P2RY6: variants seen among roughly 807,000 people sequenced by gnomAD.
The protein encoded by P2RY6 is pyrimidinergic receptor P2Y6, also known as P2Y purinoceptor 6.
Under a neutral mutation model 16.3 loss-of-function variants are expected in P2RY6, and 19 were observed. The observed-to-expected ratio is 1.16, with a 90% CI of 0.81 to 1.71. P2RY6 has a LOEUF of 1.71. Ranked by LOEUF, P2RY6 falls within the 40% of genes most tolerant of loss-of-function variation. The pLI is 0.00. For synonymous variants in P2RY6, 184 were observed against 201.5 expected, an observed-to-expected ratio of 0.91 and a Z score of 0.74; for missense variants, 389 against 455.5, an observed-to-expected ratio of 0.85 and a Z score of 1.33.
intron 1 of P2RY6, among the ~76,000 whole-genome samples, chr11:73,294,135 C>G (rs1277191289): frequency 6.6e-6 from 1 of 152,130 alleles, no homozygotes; most frequent in Non-Finnish European, 1.5e-5. Context: ...TAGAGGGGTG[C>G]TATGTTCTTC....
At chr11:73,274,620 A>G (rs1336670376) in intron 1 of P2RY6, among the ~76,000 whole-genome samples, 2 of 152,216 alleles carry the variant, frequency 1.3e-5, no homozygotes, top group African/African-American at 2.4e-5. Flanking sequence ...CCTATTTTGC[A>G]GCAGAGGAAG....
upstream of P2RY6, chr11:73,271,410 G>C (rs756508892): frequency 6.6e-6 from 1 of 152,198 alleles, no homozygotes; most frequent in Non-Finnish European, 1.5e-5. Flanking sequence ...ATCTGAGCTC[G>C]TCAGGTGCTC....
At chr11:73,286,490 A>G (rs139902138) in intron 1 of P2RY6, among the ~76,000 whole-genome samples, 215 of 152,086 alleles carry the variant, frequency 1.4e-3, no homozygotes, top group Non-Finnish European at 2.3e-3. Context: ...GGGGGACCCA[A>G]GCAGTCTCAG....
chr11:73,277,196 C>G (rs1863573617), intron 1 of P2RY6, among the ~76,000 whole-genome samples: 1 of 152,064 alleles, frequency 6.6e-6, no homozygotes, highest in Non-Finnish European at 1.5e-5. Flanking sequence ...TCACTGCAAC[C>G]TCTGCCTCCC....
intron 1 of P2RY6, chr11:73,289,463 G>C (rs1864105034): frequency 6.6e-6 from 1 of 152,392 alleles, no homozygotes; most frequent in Non-Finnish European, 1.5e-5. Flanking sequence ...GAGAGCTTCA[G>C]CTCATCTGGG....
At chr11:73,272,592 G>C (rs996480040) in intron 1 of P2RY6, 126 bp downstream of exon 1, 1 of 770,526 alleles carries the variant, frequency 1.3e-6, no homozygotes, top group Non-Finnish European at 1.6e-6. Context: ...AGTAGGGCAG[G>C]CACTGGGGTC....
At chr11:73,296,436 T>G in intron 2 of P2RY6, 49 bp from the exon 3 acceptor site, 2 of 1,529,610 alleles carry the variant, frequency 1.3e-6, no homozygotes, top group Non-Finnish European at 1.8e-6. Context: ...CAGGGCCTGC[T>G]GGGTGGTGAG....
At chr11:73,295,599 A>G (rs778678731) in intron 1 of P2RY6, 131 bp from the exon 2 acceptor site, 1 of 165,716 alleles carries the variant, frequency 6.0e-6, no homozygotes, top group Non-Finnish European at 1.2e-5. Context: ...ATCCGCCTTC[A>G]GGGACGCTGT....
chr11:73,287,642 G>T (rs10898915), intron 1 of P2RY6, among the ~76,000 whole-genome samples: 1 of 152,158 alleles, frequency 6.6e-6, no homozygotes, highest in Non-Finnish European at 1.5e-5. Flanking sequence ...GATCCTGAAG[G>T]CACTAACTGT....
intron 1 of P2RY6, among the ~76,000 whole-genome samples, chr11:73,294,339 A>G (rs1864390470): frequency 6.6e-6 from 1 of 152,156 alleles, no homozygotes; most frequent in African/African-American, 2.4e-5. Context: ...CCTATACACT[A>G]TGCCCTCATG....
chr11:73,295,569 G>A (rs935520589), intron 1 of P2RY6, among the ~76,000 whole-genome samples, 161 bp from the exon 2 acceptor site: 1 of 152,162 alleles, frequency 6.6e-6, no homozygotes, highest in East Asian at 1.9e-4. Flanking sequence ...TAAACAAACG[G>A]TTGACTCGGT....
Position 73,281,431 on chromosome 11 carries a change from G to T in P2RY6, c.-121+8965G>T, listed in dbSNP as rs552109419. 2.0e-5 allele frequency among the ~76,000 whole-genome samples: 3 copies of T among 152,334 alleles called. No homozygotes were observed. The East Asian group carries it at 5.8e-4, about 29-fold the overall frequency. On this transcript the variant is annotated intron_variant, in intron 1 of 2. Transcript: ENST00000540124. ...TCCCTTGGGCAGGGTGGGGCCCAGG[G>T]TCCTCCATCCAAGAAGGGACCAGCC...
At chr11:73,287,694 T>G (rs1864023464) in intron 1 of P2RY6, among the ~76,000 whole-genome samples, 1 of 152,216 alleles carries the variant, frequency 6.6e-6, no homozygotes, top group Non-Finnish European at 1.5e-5. Context: ...AGCAGCAGGT[T>G]CCTTCTCAAA....
chr11:73,289,664 G>C (rs1218254705), intron 1 of P2RY6, among the ~76,000 whole-genome samples: 2 of 152,236 alleles, frequency 1.3e-5, no homozygotes, highest in Non-Finnish European at 2.9e-5. Flanking sequence ...CATGGCTACA[G>C]GGTCTCAATG....
At chr11:73,286,571 A>AT (rs1863981652) in intron 1 of P2RY6, among the ~76,000 whole-genome samples, 1 of 144,936 alleles carries the variant, frequency 6.9e-6, no homozygotes, top group South Asian at 2.2e-4. Context: ...CAAGACAAAG[A>AT]TTTAAAAAAA....
chr11:73,289,949 C>T lies in P2RY6; in HGVS notation c.-120-5781C>T, dbSNP rs185507529. Among the ~76,000 whole-genome samples the T allele has an allele frequency of 8.2e-3, 1,252 of 152,278 alleles. 8 individuals are homozygous for T. The highest frequency in any genetic ancestry group is 0.041 in the Middle Eastern group (12 of 294). ...TTTAAGAAACAATACTGGCCAGGCA[C>T]GGTGGCTCACGCCTGTAATCCCAGC... is the stretch of plus-strand genomic sequence containing the variant. On this transcript the variant is annotated intron_variant, in intron 1 of 2. Transcript: ENST00000540124.
At chr11:73,282,179 C>T (rs979150751) in intron 1 of P2RY6, among the ~76,000 whole-genome samples, 8 of 152,168 alleles carry the variant, frequency 5.3e-5, no homozygotes, top group African/African-American at 1.7e-4. Context: ...GTGAGCCTAC[C>T]ACTGGCTGGT....
At position 73,276,261 on chromosome 11, in the gene P2RY6, T is replaced by C. The variant is rs546846204; in HGVS notation, c.-121+3795T>C. Among the ~76,000 whole-genome samples, 7 of 152,320 alleles carry C rather than the reference T, an allele frequency of 4.6e-5. No homozygotes were observed. In the South Asian group the frequency reaches 1.4e-3, roughly 32 times the overall value. On this transcript the variant is annotated intron_variant, in intron 1 of 2. Coordinates refer to ENST00000540124, the MANE Select transcript of P2RY6 (RefSeq NM_001277204.2). The stretch of plus-strand genomic sequence containing the variant: ...GGATGTGAAGAAATTGGAAATCTCA[T>C]ACACTGCTAGTGAGAATGAAAAAGT...
In P2RY6 at chr11:73,296,995, C is replaced by G. The variant is rs1278121587; in HGVS notation, c.477C>G (p.Cys159Trp). The change falls in exon 3 of 3, where the codon TGC (cysteine) becomes TGG (tryptophan). Residue 159 changes from cysteine to tryptophan, a missense_variant. By Grantham distance (215) the Cys-to-Trp change is radical. Coordinates refer to ENST00000540124, the MANE Select transcript of P2RY6 (RefSeq NM_001277204.2). ...TGTGGCTGGCCGTGACAACCCAGTG[C>G]CTGCCCACAGCCATCTTCGCTGCCA... ...VAVWLAVTTQCLPTAIFAATG... is the reference protein window; with the variant it reads ...VAVWLAVTTQWLPTAIFAATG... 6.2e-7 allele frequency: 1 copy of G among 1,601,372 alleles called. No homozygotes were observed. Among genetic ancestry groups the G allele is most frequent in the East Asian group, 2.2e-5 (1 of 44,884 alleles).
Sources: allele counts gnomAD v4.1 joint callset (sites outside exome capture counted in the v4.1 genomes callset), GRCh38; gene constraint gnomAD v4.1.1; transcripts MANE v1.5; gene names NCBI Gene and HGNC (gene_info 2026-07-23, HGNC 2026-07-21).